The following LRRC38 variants were observed in gnomAD, a reference collection of about 807,000 sequenced individuals.
LRRC38 encodes leucine rich repeat containing 38.
In LRRC38, 5 loss-of-function variants were observed where a neutral mutation model predicts 16.4. The observed-to-expected ratio is 0.31, with a 90% CI of 0.16 to 0.64. LRRC38 has a LOEUF of 0.64. LRRC38 is among the 30% of genes least tolerant of loss of function. The probability of loss-of-function intolerance (pLI) is 0.80; values close to 1 mark genes in which losing one functional copy is unlikely to be tolerated. For missense variants in LRRC38, 341 were observed against 401.8 expected, an observed-to-expected ratio of 0.85 and a Z score of 1.29; for synonymous variants, 191 against 190.2, an observed-to-expected ratio of 1.00 and a Z score of -0.04.
Position 13,498,481 on chromosome 1 carries a change from AT to A in LRRC38, c.631+14481del, listed in dbSNP as rs201707767. 4.1e-4 allele frequency among the ~76,000 whole-genome samples: 62 copies of A among 152,190 alleles called. 1 individual carries two copies. In the East Asian group the frequency reaches 0.01, roughly 26 times the overall value. On this transcript the variant is annotated intron_variant, in intron 1 of 1. Transcript: ENST00000376085. ...CCACATCTCTACTAAAAATACAAAA[AT>A]TACCCAGGCGTGGTGGTGCATGCCT...
intron 1 of LRRC38, among the ~76,000 whole-genome samples, chr1:13,512,266 C>T (rs1639282004): frequency 6.6e-6 from 1 of 152,214 alleles, no homozygotes; most frequent in Non-Finnish European, 1.5e-5. Context: ...TAACTCCCTC[C>T]GCCCTGGTGT....
At chr1:13,486,074 G>A (rs986940587) in intron 1 of LRRC38, among the ~76,000 whole-genome samples, 6 of 152,082 alleles carry the variant, frequency 3.9e-5, no homozygotes, top group African/African-American at 1.4e-4. Context: ...GAATAGCTGG[G>A]ATTACAGGCG....
chr1:13,488,796 C>G (rs1638972963), intron 1 of LRRC38, among the ~76,000 whole-genome samples: 1 of 152,170 alleles, frequency 6.6e-6, no homozygotes. Context: ...CTTCTGTGAA[C>G]TGCCTGCCCA....
intron 1 of LRRC38, among the ~76,000 whole-genome samples, chr1:13,498,617 C>T (rs1434948239): frequency 6.6e-6 from 1 of 152,004 alleles, no homozygotes; most frequent in East Asian, 1.9e-4. Context: ...AGTGACAGAG[C>T]GAGACTCTGT....
intron 1 of LRRC38, among the ~76,000 whole-genome samples, chr1:13,492,282 G>A (rs1639023350): frequency 6.6e-6 from 1 of 152,214 alleles, no homozygotes; most frequent in Non-Finnish European, 1.5e-5. Flanking sequence ...TGTAATGCAT[G>A]TCAGAATTCC....
intron 1 of LRRC38, among the ~76,000 whole-genome samples, chr1:13,497,902 G>A (rs941289876): frequency 3.5e-5 from 5 of 144,216 alleles, no homozygotes; most frequent in African/African-American, 7.9e-5. Context: ...CGAGGTTGCC[G>A]TGAGCCGAGA....
In LRRC38 at chr1:13,512,991, G is replaced by A; in HGVS notation, c.603C>T (p.Ile201=). The A allele has an allele frequency of 6.5e-7, 1 of 1,547,116 alleles. No homozygotes were observed. The highest frequency in any genetic ancestry group is 2.5e-5 in the East Asian group (1 of 40,728). Residue 201 remains isoleucine, a synonymous_variant, in exon 1 of 2, where the codon ATC becomes ATT. Transcript: ENST00000376085. Reference sequence around the variant, plus strand: ...TGGGCAGTTTGGATGCGTTCTCCTGGATCCAGGAGAAGAGGTGGGCGAAGT... The same window carrying A: ...TGGGCAGTTTGGATGCGTTCTCCTGAATCCAGGAGAAGAGGTGGGCGAAGT... The part of the protein sequence containing the change: ...DCDFAHLFSW[I]QENASKLPKG...
chr1:13,486,705 C>T (rs1432857145), intron 1 of LRRC38, among the ~76,000 whole-genome samples: 1 of 151,952 alleles, frequency 6.6e-6, no homozygotes, highest in Admixed American at 6.6e-5. Context: ...ATCTTCCCAC[C>T]TCAGCCTCTC....
chr1:13,490,198 C>T (rs1293577785), intron 1 of LRRC38, among the ~76,000 whole-genome samples: 1 of 152,098 alleles, frequency 6.6e-6, no homozygotes, highest in Non-Finnish European at 1.5e-5. Context: ...ACTCTGTCGC[C>T]CAGGCTGGAG....
intron 1 of LRRC38, among the ~76,000 whole-genome samples, chr1:13,492,980 T>TA (rs1639035287): frequency 6.6e-6 from 1 of 152,216 alleles, no homozygotes; most frequent in Non-Finnish European, 1.5e-5. Flanking sequence ...GGGGCCACGC[T>TA]ATCCCTGGAA....
At chr1:13,506,386 C>A (rs930763268) in intron 1 of LRRC38, among the ~76,000 whole-genome samples, 57 of 152,304 alleles carry the variant, frequency 3.7e-4, no homozygotes, top group African/African-American at 1.3e-3. Context: ...CTCAGAACCA[C>A]CAATGCTCCT....
intron 1 of LRRC38, among the ~76,000 whole-genome samples, chr1:13,490,880 C>G (rs906746771): frequency 6.6e-6 from 1 of 152,124 alleles, no homozygotes; most frequent in South Asian, 2.1e-4. Context: ...TAATGGTGGG[C>G]TCGCCGGCAC....
chr1:13,480,117 G>A (rs11585835), intron 1 of LRRC38, among the ~76,000 whole-genome samples: 4,920 of 152,260 alleles, frequency 0.032, 114 homozygotes, highest in Non-Finnish European at 0.05. Flanking sequence ...GGCCGAGGCG[G>A]GTGGATTACC....
At position 13,478,706 on chromosome 1, in the gene LRRC38, CT is replaced by C. The variant is rs1638815494; in HGVS notation, c.632-2608del. ...TCTTCACACCTCGCTAATTAGCAGG[CT>C]TCTGTCCTGGAAAAAGCAGCCCTGC... On this transcript the variant is annotated intron_variant, in intron 1 of 1. Transcript: ENST00000376085. 3.9e-5 allele frequency among the ~76,000 whole-genome samples: 6 copies of C among 152,334 alleles called. No individual in the cohort carries two copies. In the South Asian group the frequency reaches 1.2e-3, roughly 32 times the overall value.
At position 13,513,155 on chromosome 1, in the gene LRRC38, C is replaced by T. The variant is rs762171811; in HGVS notation, c.439G>A (p.Ala147Thr). 1 of 1,550,512 alleles carries T rather than the reference C, an allele frequency of 6.4e-7. No individual in the cohort carries two copies. Reference sequence around the variant, plus strand: ...TGCAGCGACTCCAGGGTCTCGAAGGCGTCCTCGTGCACGCCCACCAGGTTG... The same window carrying T: ...TGCAGCGACTCCAGGGTCTCGAAGGTGTCCTCGTGCACGCCCACCAGGTTG... The part of the protein sequence containing the change: ...NNNLVGVHED[A>T]FETLESLQVL... Residue 147 changes from alanine to threonine, a missense_variant, in exon 1 of 2, where the codon GCC (alanine) becomes ACC (threonine). Coordinates refer to ENST00000376085, the MANE Select transcript of LRRC38 (RefSeq NM_001010847.2).
chr1:13,499,142 G>A (rs1244460538), intron 1 of LRRC38, among the ~76,000 whole-genome samples: 1 of 152,072 alleles, frequency 6.6e-6, no homozygotes, highest in African/African-American at 2.4e-5. Context: ...TATCACCCAG[G>A]CTGGAGTACA....
chr1:13,512,931 C>CCACCA, intron 1 of LRRC38, 32 bp downstream of exon 1: 3 of 1,404,100 alleles, frequency 2.1e-6, no homozygotes, highest in Non-Finnish European at 2.9e-6. Flanking sequence ...GCCCCCCTCC[C>CCACCA]TCCCTCCCCC....
At chr1:13,510,757 A>G (rs1237599649) in intron 1 of LRRC38, among the ~76,000 whole-genome samples, 1 of 152,198 alleles carries the variant, frequency 6.6e-6, no homozygotes, top group Non-Finnish European at 1.5e-5. Context: ...CACAGCAAGC[A>G]CGGCAGAGGA....
At chr1:13,505,285 C>T (rs1216170743) in intron 1 of LRRC38, among the ~76,000 whole-genome samples, 2 of 152,224 alleles carry the variant, frequency 1.3e-5, no homozygotes, top group African/African-American at 4.8e-5. Flanking sequence ...TCCCTCCCTC[C>T]TGCATAGCAG....
Sources: allele counts gnomAD v4.1 joint callset (sites outside exome capture counted in the v4.1 genomes callset), GRCh38; gene constraint gnomAD v4.1.1; transcripts MANE v1.5; gene names NCBI Gene and HGNC (gene_info 2026-07-23, HGNC 2026-07-21).